Variants in DNAH12 observed in about 807,000 individuals in gnomAD.
DNAH12 encodes dynein axonemal heavy chain 12, also known as axonemal beta dynein heavy chain 12.
A neutral mutation model predicts 371.5 loss-of-function variants in DNAH12; 285 were observed. The observed-to-expected ratio is 0.77, with a 90% CI of 0.70 to 0.85. The LOEUF is 0.85. DNAH12 is among the 40% of genes least tolerant of loss of function. DNAH12 has a pLI of 0.00. For missense variants in DNAH12, 3,611 were observed against 3,689.4 expected (o/e 0.98, Z 0.55); for synonymous variants, 1,200 against 1,213.0 (o/e 0.99, Z 0.22).
At chr3:57,501,937 C>T (rs896440647) in intron 10 of DNAH12, among the ~76,000 whole-genome samples, 6 of 150,952 alleles carry the variant, frequency 4.0e-5, no homozygotes, top group African/African-American at 1.5e-4. Flanking sequence ...GACGGAGTCT[C>T]GCTCTATCGC....
At position 57,419,402 on chromosome 3, in the gene DNAH12, A is replaced by C; in HGVS notation, c.5679T>G (p.Tyr1893Ter). The C allele has an allele frequency of 6.6e-7, 1 of 1,509,176 alleles. No individual in the cohort carries two copies. The highest frequency in any genetic ancestry group is 8.8e-7 in the Non-Finnish European group (1 of 1,133,966). The allele number at this position is 1,509,176 out of a possible 1,614,324, so 93.5% of individuals were successfully genotyped here. ...TAATACTCAAATCCATTAGAAACGT[A>C]TATCTAATTGTGTCCATCGTAGGGA... ...IIVPTMDTIR[Y>*]TFLMDLSITY... The change falls in exon 37 of 74, where the codon TAT becomes TAG. Residue 1893 changes from tyrosine to a stop codon, truncating the protein, a stop_gained. Transcript: ENST00000495027. LOFTEE classifies it high-confidence loss of function.
At chr3:57,488,909 A>T (rs1353976791) in intron 12 of DNAH12, among the ~76,000 whole-genome samples, 1 of 151,460 alleles carries the variant, frequency 6.6e-6, no homozygotes, top group Non-Finnish European at 1.5e-5. Flanking sequence ...TGGTCTTCCC[A>T]CTTTTTCAAG....
At chr3:57,509,861 TAAAAAAAAAAAAAAAAAA>T (rs902155403) in intron 5 of DNAH12, among the ~76,000 whole-genome samples, 2 of 46,554 alleles carry the variant, frequency 4.3e-5, no homozygotes, top group Non-Finnish European at 8.9e-5. Flanking sequence ...GACTCCATCA[TAAAAAAAAAAAAAAAAAA>T]AAAAAAAAAA....
intron 16 of DNAH12, among the ~76,000 whole-genome samples, chr3:57,469,643 T>C (rs2066311836): frequency 6.6e-6 from 1 of 152,158 alleles, no homozygotes. Flanking sequence ...TGGAATACAA[T>C]GCAACCTTAA....
intron 11 of DNAH12, among the ~76,000 whole-genome samples, chr3:57,494,406 TAAAA>T (rs1289273172): frequency 6.6e-6 from 1 of 150,728 alleles, no homozygotes; most frequent in Non-Finnish European, 1.5e-5. Flanking sequence ...TAAAAAAAAA[TAAAA>T]ATTTAGCCAG....
At chr3:57,502,242 CCAGA>C in intron 10 of DNAH12, 77 bp downstream of exon 10, 1 of 1,554,262 alleles carries the variant, frequency 6.4e-7, no homozygotes, top group South Asian at 1.2e-5. Context: ...CATGGCAGCC[CCAGA>C]CAAACAAACA....
chr3:57,446,951 T>C (rs1277526547), intron 25 of DNAH12, among the ~76,000 whole-genome samples: 2 of 152,170 alleles, frequency 1.3e-5, no homozygotes, highest in Non-Finnish European at 2.9e-5. Context: ...AATCTAGCCT[T>C]ATGGGGGTAA....
chr3:57,388,396 G>A (rs1449903525), intron 45 of DNAH12, among the ~76,000 whole-genome samples: 1 of 151,666 alleles, frequency 6.6e-6, no homozygotes, highest in Non-Finnish European at 1.5e-5. Flanking sequence ...CTTTCATTTA[G>A]TTTCAATAAT....
chr3:57,349,989 C>G (rs2062632860), intron 60 of DNAH12, among the ~76,000 whole-genome samples: 1 of 152,216 alleles, frequency 6.6e-6, no homozygotes, highest in South Asian at 2.1e-4. Flanking sequence ...CACACCCGGA[C>G]TGGAGACTAT....
At chr3:57,471,355 ATAGAG>A (rs1222418459) in intron 15 of DNAH12, 112 bp downstream of exon 15, 6 of 890,092 alleles carry the variant, frequency 6.7e-6, no homozygotes, top group South Asian at 3.6e-5. Context: ...ATAGAAAAAT[ATAGAG>A]TAAACATAAA....
chr3:57,311,014 G>T, intron 66 of DNAH12, 64 bp from the exon 67 acceptor site: 1 of 1,138,792 alleles, frequency 8.8e-7, no homozygotes, highest in Non-Finnish European at 1.3e-6. Flanking sequence ...TCCATTTTAA[G>T]TATGTATCTA....
Position 57,382,270 on chromosome 3 carries a change from C to T in DNAH12, c.7984G>A (p.Gly2662Arg), listed in dbSNP as rs2063408664. The change falls in exon 50 of 74, where the codon GGA becomes AGA. Residue 2662 changes from glycine (G) to arginine (R), a missense_variant. Coordinates refer to ENST00000495027, the MANE Select transcript of DNAH12 (RefSeq NM_001366028.2). ...PEKISDPSGT[G>R]GKILDYWGPS... is the part of the protein sequence containing the mutation. ...CTGTGTCAAGTTATTACCTTGCCTCCAGTCCCTGAAGGATCTGAAATTTTT... is the reference window on the plus strand; with the variant it reads ...CTGTGTCAAGTTATTACCTTGCCTCTAGTCCCTGAAGGATCTGAAATTTTT... 6.6e-6 allele frequency: 1 copy of T among 152,114 alleles called. No homozygotes were observed. The highest frequency in any genetic ancestry group is 6.6e-5 in the Admixed American group (1 of 15,260). 9.4% of individuals were successfully genotyped at this position (152,114 alleles called of 1,614,324 possible).
intron 10 of DNAH12, 92 bp downstream of exon 10, chr3:57,502,231 T>C: frequency 6.6e-7 from 1 of 1,524,302 alleles, no homozygotes; most frequent in Admixed American, 1.7e-5. Context: ...CCCTGTTCTT[T>C]CATGGCAGCC....
intron 59 of DNAH12, among the ~76,000 whole-genome samples, chr3:57,353,319 G>T (rs978115994): frequency 1.7e-4 from 26 of 151,268 alleles, no homozygotes; most frequent in Non-Finnish European, 3.1e-4. Flanking sequence ...TGGAGACAGG[G>T]TCTCACCCTG....
At chr3:57,410,053 G>T (rs1575561906) in intron 39 of DNAH12, among the ~76,000 whole-genome samples, 4 of 152,286 alleles carry the variant, frequency 2.6e-5, no homozygotes, top group Admixed American at 2.6e-4. Flanking sequence ...TGACTTGGGG[G>T]AATGGTACTT....
At chr3:57,341,124 A>ATG (rs879967762) in intron 60 of DNAH12, among the ~76,000 whole-genome samples, 1 of 151,386 alleles carries the variant, frequency 6.6e-6, no homozygotes, top group Non-Finnish European at 1.5e-5. Flanking sequence ...AGAAGGAAGT[A>ATG]CCTCAACACA....
chr3:57,383,526 C>T (rs1239550158), intron 49 of DNAH12, among the ~76,000 whole-genome samples: 2 of 151,358 alleles, frequency 1.3e-5, no homozygotes, highest in Admixed American at 1.3e-4. Flanking sequence ...TAAGTAGCTG[C>T]TGTAATAAAT....
intron 12 of DNAH12, 22 bp downstream of exon 12, chr3:57,489,487 C>G: frequency 6.7e-6 from 10 of 1,483,072 alleles, no homozygotes; most frequent in Non-Finnish European, 8.9e-6. Context: ...TAATTCTGAG[C>G]TTGGGAATTA....
intron 43 of DNAH12, among the ~76,000 whole-genome samples, chr3:57,397,527 G>A (rs1256260135): frequency 1.3e-5 from 2 of 152,152 alleles, no homozygotes; most frequent in East Asian, 3.9e-4. Flanking sequence ...GCCAATTTTG[G>A]ACACCAGGTT....
Sources: gnomAD v4.1 joint callset for allele counts (sites outside exome capture counted in the v4.1 genomes callset) on GRCh38, gnomAD v4.1.1 for gene constraint, MANE v1.5 for transcripts, NCBI Gene and HGNC (gene_info 2026-07-23, HGNC 2026-07-21) for gene names.